The following GRID2 variants were observed in gnomAD, a reference collection of about 807,000 sequenced individuals.
The protein encoded by GRID2 is glutamate ionotropic receptor delta type subunit 2.
GRID2 carries 33 observed loss-of-function variants against 114.8 expected under a neutral mutation model. The ratio of observed to expected loss-of-function variants is 0.29; its 90% CI spans 0.22 to 0.38. The LOEUF (loss-of-function observed/expected upper bound fraction) is 0.38, where lower values mean the gene tolerates loss of function less well. Ranked by LOEUF, GRID2 falls within the 10% of genes least tolerant of loss-of-function variation. The pLI is 1.00. For synonymous variants in GRID2, 505 were observed against 449.9 expected, an observed-to-expected ratio of 1.12 and a Z score of -1.55; for missense variants, 1,184 against 1,257.7, an observed-to-expected ratio of 0.94 and a Z score of 0.89.
At chr4:92,481,202 A>T (rs909337475) in intron 1 of GRID2, among the ~76,000 whole-genome samples, 1 of 152,098 alleles carries the variant, frequency 6.6e-6, no homozygotes, top group African/African-American at 2.4e-5. Flanking sequence ...AAAATTGTTT[A>T]TTATCTTTAA....
chr4:92,624,059 A>C (rs1730404599), intron 2 of GRID2, among the ~76,000 whole-genome samples: 1 of 151,844 alleles, frequency 6.6e-6, no homozygotes, highest in South Asian at 2.1e-4. Flanking sequence ...TTCTACTTTC[A>C]ATTCAATAAG....
At chr4:92,854,002 TAAAAA>T (rs759655412) in intron 2 of GRID2, among the ~76,000 whole-genome samples, 1 of 139,902 alleles carries the variant, frequency 7.1e-6, no homozygotes, top group Admixed American at 7.2e-5. Context: ...AATTTGAAAT[TAAAAA>T]AAAAAAAAAG....
intron 13 of GRID2, among the ~76,000 whole-genome samples, chr4:93,532,208 T>C (rs1391087080): frequency 6.6e-6 from 1 of 152,164 alleles, no homozygotes. Flanking sequence ...GCTAATTCAA[T>C]GAATACATGT....
Position 92,470,349 on chromosome 4 carries a change from G to GT in GRID2, c.89-119773dup, listed in dbSNP as rs35158685. 4.6e-4 allele frequency among the ~76,000 whole-genome samples: 70 copies of GT among 150,566 alleles called. 1 individual carries two copies. The highest frequency in any genetic ancestry group is 1.2e-3 in the Admixed American group (18 of 15,058). On this transcript the variant is annotated intron_variant, in intron 1 of 15. Coordinates refer to ENST00000282020, the MANE Select transcript of GRID2 (RefSeq NM_001510.4). The stretch of plus-strand genomic sequence containing the variant: ...AATATTGGCAGAGAGACACAAACAT[G>GT]TTTTTTTTTAATTTAATTTTAACCC...
chr4:93,758,152 G>A (rs940635835), intron 14 of GRID2, among the ~76,000 whole-genome samples: 4 of 152,094 alleles, frequency 2.6e-5, no homozygotes, highest in Middle Eastern at 3.4e-3. Flanking sequence ...GAAAATTGAA[G>A]CACTTCATTT....
chr4:92,981,235 A>G (rs1161177156), intron 2 of GRID2, among the ~76,000 whole-genome samples: 1 of 152,078 alleles, frequency 6.6e-6, no homozygotes, highest in Non-Finnish European at 1.5e-5. Flanking sequence ...ACGTCTTAAG[A>G]TATTGACAGT....
At chr4:93,257,901 A>C (rs1579449817) in intron 8 of GRID2, among the ~76,000 whole-genome samples, 1 of 150,856 alleles carries the variant, frequency 6.6e-6, no homozygotes, top group African/African-American at 2.4e-5. Flanking sequence ...TTACCACATA[A>C]AAATATTTTA....
intron 14 of GRID2, among the ~76,000 whole-genome samples, chr4:93,677,576 G>A (rs1018402675): frequency 1.2e-4 from 18 of 152,220 alleles, no homozygotes; most frequent in African/African-American, 4.3e-4. Context: ...ACTCCTCTGA[G>A]ACAAAACTTC....
At chr4:93,344,930 C>T (rs1265413360) in intron 8 of GRID2, among the ~76,000 whole-genome samples, 1 of 150,768 alleles carries the variant, frequency 6.6e-6, no homozygotes, top group Non-Finnish European at 1.5e-5. Context: ...CAGTTTTATC[C>T]ATGTTATCAA....
chr4:93,508,951 A>G (rs749100986), intron 12 of GRID2, among the ~76,000 whole-genome samples: 4 of 152,202 alleles, frequency 2.6e-5, no homozygotes, highest in Non-Finnish European at 5.9e-5. Flanking sequence ...TACAGCCAGG[A>G]ATGAAGAAAC....
intron 2 of GRID2, among the ~76,000 whole-genome samples, chr4:92,935,646 C>T (rs1221782476): frequency 6.8e-6 from 1 of 146,924 alleles, no homozygotes. Context: ...AAATGTCCAA[C>T]AATGATAGAC....
At chr4:93,747,572 G>T (rs749160720) in intron 14 of GRID2, among the ~76,000 whole-genome samples, 4 of 152,120 alleles carry the variant, frequency 2.6e-5, no homozygotes, top group Admixed American at 1.3e-4. Flanking sequence ...GGGACACTTT[G>T]TGAAAAGTCA....
intron 1 of GRID2, among the ~76,000 whole-genome samples, chr4:93,786,159 T>G (rs898468851): frequency 8.5e-5 from 13 of 152,302 alleles, no homozygotes; most frequent in African/African-American, 3.1e-4. Flanking sequence ...ACTCAGGGAA[T>G]AAGCATATCC....
chr4:93,306,838 G>A (rs530337782), intron 8 of GRID2, among the ~76,000 whole-genome samples: 1 of 152,204 alleles, frequency 6.6e-6, no homozygotes, highest in African/African-American at 2.4e-5. Context: ...TGACTTCTTG[G>A]TAACTATAAT....
chr4:93,151,887 T>A (rs562349628), intron 4 of GRID2, among the ~76,000 whole-genome samples: 1 of 152,182 alleles, frequency 6.6e-6, no homozygotes, highest in Non-Finnish European at 1.5e-5. Flanking sequence ...GTCGTTGAGT[T>A]CTGAAATTCT....
At chr4:93,628,671 C>A (rs1182911908) in intron 14 of GRID2, among the ~76,000 whole-genome samples, 1 of 151,782 alleles carries the variant, frequency 6.6e-6, no homozygotes, top group Non-Finnish European at 1.5e-5. Context: ...CATTACAGAG[C>A]TAGTTGAGAA....
intron 2 of GRID2, among the ~76,000 whole-genome samples, chr4:92,937,689 C>T (rs1303384104): frequency 2.0e-5 from 3 of 146,744 alleles, no homozygotes; most frequent in Non-Finnish European, 4.5e-5. Flanking sequence ...TCCTTGCCTT[C>T]CACTGGATTT....
chr4:92,894,430 A>C (rs562903216), intron 2 of GRID2, among the ~76,000 whole-genome samples: 1 of 152,134 alleles, frequency 6.6e-6, no homozygotes, highest in South Asian at 2.1e-4. Context: ...GTAGGTCTAC[A>C]TTTTATAAGA....
intron 10 of GRID2, among the ~76,000 whole-genome samples, chr4:93,442,111 C>T (rs1721678585): frequency 6.6e-6 from 1 of 152,066 alleles, no homozygotes; most frequent in African/African-American, 2.4e-5. Flanking sequence ...TTCCCCTCCC[C>T]TCCAGAGCTC....
Sources: allele counts gnomAD v4.1 joint callset (sites outside exome capture counted in the v4.1 genomes callset), GRCh38; gene constraint gnomAD v4.1.1; transcripts MANE v1.5; gene names NCBI Gene and HGNC (gene_info 2026-07-23, HGNC 2026-07-21).